RHBG: variants seen among roughly 807,000 people sequenced by gnomAD.
The protein encoded by RHBG is ammonium transporter Rh type B.
Under a neutral mutation model 40.1 loss-of-function variants are expected in RHBG, and 39 were observed. That is an observed-to-expected ratio of 0.97 (90% CI 0.75 to 1.27). RHBG has a LOEUF of 1.27. Among genes scored for constraint, RHBG ranks in the 50% most tolerant of loss-of-function variants. The probability of loss-of-function intolerance (pLI) is 0.00; values close to 1 mark genes in which losing one functional copy is unlikely to be tolerated. For synonymous variants in RHBG, 237 were observed against 252.5 expected (o/e 0.94, Z 0.58); for missense variants, 549 against 588.1 (o/e 0.93, Z 0.69).
At position 156,377,546 on chromosome 1, in the gene RHBG, G is replaced by T; in HGVS notation, c.374+59G>T. ...TTCACTCGGGAGGCCCCTGCCCATGGGCCCCGGATCTAGCCCTGTCCTTCA... is the reference window on the plus strand; with the variant it reads ...TTCACTCGGGAGGCCCCTGCCCATGTGCCCCGGATCTAGCCCTGTCCTTCA... On this transcript the variant is annotated intron_variant, in intron 2 of 9. Transcript: ENST00000537040. This position sits in a 1 kb window ranked among gnomAD's most constrained non-coding sequence, Gnocchi z 4.6. The T allele has an allele frequency of 1.2e-5, 18 of 1,544,160 alleles. No individual in the cohort carries two copies. Among genetic ancestry groups the T allele is most frequent in the Non-Finnish European group, 1.5e-5 (17 of 1,133,126 alleles).
In RHBG at chr1:156,382,082, A is replaced by G. The variant is rs770192831; in HGVS notation, c.993A>G (p.Ser331=). Residue 331 remains serine (S), a synonymous_variant, in exon 7 of 10, where the codon TCA becomes TCG. Transcript: ENST00000537040. ...GYKFFTPILE[S]KFKVQDTCGV... is the part of the protein sequence containing the mutation. ...TTGCCCTCCAGCCCATCCTTGAATC[A>G]AAATTCAAAGTCCAAGACACATGTG... The G allele has an allele frequency of 3.7e-6, 6 of 1,610,070 alleles. No homozygotes were observed. The South Asian group carries it at 6.6e-5, about 18-fold the overall frequency.
intron 1 of RHBG, among the ~76,000 whole-genome samples, chr1:156,372,941 GCCA>G (rs975876266): frequency 6.6e-6 from 1 of 152,182 alleles, no homozygotes; most frequent in African/African-American, 2.4e-5. Flanking sequence ...ACAGGCATGA[GCCA>G]CCACGCCCGG....
intron 1 of RHBG, 116 bp downstream of exon 1, chr1:156,369,552 C>A (rs1557792300): frequency 8.7e-7 from 1 of 1,153,798 alleles, no homozygotes; most frequent in Non-Finnish European, 1.2e-6. Context: ...CCGTCTCGCT[C>A]TGAGGTGGAG....
rs1667344782 is a variant in RHBG at position 156,378,100 on chromosome 1, T to A, written c.485T>A (p.Leu162Gln). 4 of 1,612,206 alleles carry A rather than the reference T, an allele frequency of 2.5e-6. No individual in the cohort carries two copies. Among genetic ancestry groups the A allele is most frequent in the Admixed American group, 3.3e-5 (2 of 59,796 alleles). ...LLLMALLEVV[L>Q]FGINEFVLLH... ...CTCATGGCCCTGCTGGAGGTGGTGCTGTTTGGCATCAATGAGTTTGTGCTC... is the reference window on the plus strand; with the variant it reads ...CTCATGGCCCTGCTGGAGGTGGTGCAGTTTGGCATCAATGAGTTTGTGCTC... Residue 162 changes from leucine (L) to glutamine (Q), a missense_variant, in exon 3 of 10, where the codon CTG (leucine) becomes CAG (glutamine). Coordinates refer to ENST00000537040, the MANE Select transcript of RHBG (RefSeq NM_020407.5).
In RHBG at chr1:156,376,273, T is replaced by C. The variant is rs565221725; in HGVS notation, c.188-1028T>C. Among the ~76,000 whole-genome samples the C allele has an allele frequency of 2.6e-5, 4 of 152,180 alleles. No individual in the cohort carries two copies. In the South Asian group the frequency reaches 8.3e-4, roughly 32 times the overall value. On this transcript the variant is annotated intron_variant, in intron 1 of 9. Transcript: ENST00000537040. ...CAACTCCAGGGGGCATCATTTGCAT[T>C]GAAGTTGTGCAACACAGCAGCCTTG...
chr1:156,372,282 G>A (rs1475045564), intron 1 of RHBG, among the ~76,000 whole-genome samples: 1 of 152,200 alleles, frequency 6.6e-6, no homozygotes, highest in Non-Finnish European at 1.5e-5. Flanking sequence ...AAGTCACACA[G>A]CAAGTTACAG....
intron 1 of RHBG, among the ~76,000 whole-genome samples, chr1:156,372,725 T>C (rs1217031975): frequency 6.6e-6 from 1 of 152,150 alleles, no homozygotes; most frequent in Non-Finnish European, 1.5e-5. Context: ...ATCCATACTT[T>C]ACAGATGAGA....
chr1:156,382,089 A>G lies in RHBG; in HGVS notation c.1000A>G (p.Lys334Glu), dbSNP rs773886130. 1.2e-6 allele frequency: 2 copies of G among 1,609,728 alleles called. No individual in the cohort carries two copies. Among genetic ancestry groups the G allele is most frequent in the Admixed American group, 1.7e-5 (1 of 59,622 alleles). ...FFTPILESKF[K>E]VQDTCGVHNL... ...CCAGCCCATCCTTGAATCAAAATTC[A>G]AAGTCCAAGACACATGTGGAGTCCA... The change falls in exon 7 of 10, where the codon AAA becomes GAA. Residue 334 changes from lysine to glutamate, a missense_variant. Lys to Glu is a moderately conservative substitution (Grantham distance 56). Transcript: ENST00000537040.
In RHBG at chr1:156,377,998, A is replaced by G. The variant is rs1451605266; in HGVS notation, c.383A>G (p.Asn128Ser). The change falls in exon 3 of 10, where the codon AAT (asparagine) becomes AGT (serine). Residue 128 changes from asparagine to serine, a missense_variant. Asn to Ser is a conservative substitution (Grantham distance 46). Around this residue, in one of 3 missense-constraint regions of RHBG, gnomAD observed 399 missense variants for 417.0 expected, o/e 0.96. Coordinates refer to ENST00000537040, the MANE Select transcript of RHBG (RefSeq NM_020407.5). This position sits in a 1 kb window ranked among gnomAD's most constrained non-coding sequence, Gnocchi z 4.6. Reference protein sequence around the residue: ...HIHVGVESMINADFCAGAVLI... With the variant: ...HIHVGVESMISADFCAGAVLI... ...TTCTGCCCCATCCCCAGCATGATCA[A>G]TGCTGACTTTTGTGCGGGGGCCGTG... The G allele has an allele frequency of 1.9e-6, 3 of 1,547,556 alleles. No individual in the cohort carries two copies. The highest frequency in any genetic ancestry group is 1.7e-6 in the Non-Finnish European group (2 of 1,144,326).
rs911424131 is a variant in RHBG, at chr1:156,377,806, T to C, written c.375-184T>C. On this transcript the variant is annotated intron_variant, in intron 2 of 9. Coordinates refer to ENST00000537040, the MANE Select transcript of RHBG (RefSeq NM_020407.5). The surrounding 1 kb of genome is among the most constrained non-coding windows in gnomAD (Gnocchi z 4.6). ...ACCTCCTTGAGACTCGACTTCCTCA[T>C]CTACAAACAGGGCCAGGTGATCCCT... 1.3e-5 allele frequency among the ~76,000 whole-genome samples: 2 copies of C among 152,134 alleles called. No individual in the cohort carries two copies. The highest frequency in any genetic ancestry group is 2.9e-5 in the Non-Finnish European group (2 of 68,020).
At chr1:156,383,603 T>C (rs1178117096) in intron 8 of RHBG, among the ~76,000 whole-genome samples, 1 of 149,952 alleles carries the variant, frequency 6.7e-6, no homozygotes, top group East Asian at 2.0e-4. Context: ...TAAAAAGAGA[T>C]TCCCAGGTGA....
chr1:156,378,435 C>T (rs1304761206), intron 4 of RHBG, 36 bp downstream of exon 4: 6 of 1,556,876 alleles, frequency 3.9e-6, no homozygotes, highest in Non-Finnish European at 5.2e-6. Context: ...GGGCAGGGGG[C>T]TGGTCTGGAG....
intron 4 of RHBG, among the ~76,000 whole-genome samples, chr1:156,380,761 C>T (rs1343121385): frequency 1.3e-5 from 2 of 148,898 alleles, no homozygotes; most frequent in Non-Finnish European, 1.5e-5. Flanking sequence ...TTCAACGTTA[C>T]GTGGTTTTCA....
chr1:156,378,477 G>A (rs950524902), intron 4 of RHBG, 78 bp downstream of exon 4: 64 of 1,500,372 alleles, frequency 4.3e-5, no homozygotes, highest in Non-Finnish European at 4.6e-5. Context: ...ACTGTCTCTC[G>A]GGGTGCTGAC....
At chr1:156,383,213 G>A (rs1667793957) in intron 8 of RHBG, among the ~76,000 whole-genome samples, 1 of 152,242 alleles carries the variant, frequency 6.6e-6, no homozygotes, top group Non-Finnish European at 1.5e-5. Flanking sequence ...GGGACAAGGA[G>A]GGGAGGAGAT....
Position 156,384,116 on chromosome 1 carries a change from G to A in RHBG, c.1235-411G>A, listed in dbSNP as rs763414255. 3.9e-5 allele frequency among the ~76,000 whole-genome samples: 6 copies of A among 152,324 alleles called. No individual in the cohort carries two copies. The East Asian group carries it at 1.2e-3, about 29-fold the overall frequency. Reference sequence around the variant, plus strand: ...CCCAAAGTGCTGGGATTATAGGCGTGAGCCACTGCGCCCGGCCACAATAAG... The same window carrying A: ...CCCAAAGTGCTGGGATTATAGGCGTAAGCCACTGCGCCCGGCCACAATAAG... On this transcript the variant is annotated intron_variant, in intron 8 of 9. Transcript: ENST00000537040.
chr1:156,384,825 GAGGCAGACACTCAGGCCTAACCCAC>G lies in RHBG; in HGVS notation c.1358_*5del. The G allele has an allele frequency of 6.2e-7, 1 of 1,613,300 alleles. No individual in the cohort carries two copies. Among genetic ancestry groups the G allele is most frequent in the Non-Finnish European group, 8.5e-7 (1 of 1,179,474 alleles). On this transcript the variant is annotated stop_lost and 3_prime_UTR_variant, in exon 10 of 10. Coordinates refer to ENST00000537040, the MANE Select transcript of RHBG (RefSeq NM_020407.5). ...AGCCCAGAGACCTCTGAGGGTGGAGGAGGCAGACACTCAGGCCTAACCCACTGCCAGCCCCTGAGAGGACACGCTC... is the reference window on the plus strand; with the variant it reads ...AGCCCAGAGACCTCTGAGGGTGGAGGTGCCAGCCCCTGAGAGGACACGCTC...
In RHBG at chr1:156,384,761, C is replaced by G. The variant is rs758736942; in HGVS notation, c.1309-16C>G. The G allele has an allele frequency of 3.1e-6, 5 of 1,613,444 alleles. No individual in the cohort carries two copies. Among genetic ancestry groups the G allele is most frequent in the Non-Finnish European group, 3.4e-6 (4 of 1,179,472 alleles). ...CTGGAGCTACCCTTTCACCTCTACCCACTCCTGCCTTCCAGGTGCCTGGCG... is the reference window on the plus strand; with the variant it reads ...CTGGAGCTACCCTTTCACCTCTACCGACTCCTGCCTTCCAGGTGCCTGGCG... On this transcript the variant is annotated splice_polypyrimidine_tract_variant and intron_variant, in intron 9 of 9. Coordinates refer to ENST00000537040, the MANE Select transcript of RHBG (RefSeq NM_020407.5).
chr1:156,382,258 A>G (rs1667709485), intron 7 of RHBG, 57 bp downstream of exon 7: 2 of 1,607,546 alleles, frequency 1.2e-6, no homozygotes, highest in Non-Finnish European at 1.7e-6. Flanking sequence ...GACCTCTGTC[A>G]TTCTCTTTCA....
Sources: allele counts gnomAD v4.1 joint callset (sites outside exome capture counted in the v4.1 genomes callset), GRCh38; gene constraint gnomAD v4.1.1; regional missense constraint gnomAD v4.1.1; non-coding constraint Gnocchi (gnomAD v3.1); transcripts MANE v1.5; gene names NCBI Gene and HGNC (gene_info 2026-07-23, HGNC 2026-07-21).